The following FANK1 variants were observed in gnomAD, a reference collection of about 807,000 sequenced individuals.
FANK1 encodes the protein fibronectin type III and ankyrin repeat domains 1.
A neutral mutation model predicts 45.3 loss-of-function variants in FANK1; 44 were observed. That is an observed-to-expected ratio of 0.97 (90% CI 0.76 to 1.25). The LOEUF (loss-of-function observed/expected upper bound fraction) is 1.25. Ranked by LOEUF, FANK1 falls within the 50% of genes most tolerant of loss-of-function variation. The probability of loss-of-function intolerance (pLI) is 0.00; values close to 1 mark genes in which losing one functional copy is unlikely to be tolerated. For synonymous variants in FANK1, 149 were observed against 152.5 expected (o/e 0.98, Z 0.17); for missense variants, 391 against 424.4 (o/e 0.92, Z 0.69).
At chr10:126,000,400 G>GA (rs367741415) in intron 6 of FANK1, among the ~76,000 whole-genome samples, 7 of 151,942 alleles carry the variant, frequency 4.6e-5, no homozygotes, top group Non-Finnish European at 8.8e-5. Context: ...CAAATAATCA[G>GA]AAAAAAAGTA....
chr10:125,930,239 C>T (rs993463092), intron 1 of FANK1, among the ~76,000 whole-genome samples: 1 of 152,018 alleles, frequency 6.6e-6, no homozygotes, highest in Non-Finnish European at 1.5e-5. Flanking sequence ...GATGGGGTTT[C>T]ACCATGTTGG....
At chr10:125,917,906 G>T (rs1946576790) in intron 1 of FANK1, among the ~76,000 whole-genome samples, 1 of 152,304 alleles carries the variant, frequency 6.6e-6, no homozygotes. Context: ...AACATAGTGA[G>T]ACCTCATCTC....
At chr10:125,917,282 AGT>A in intron 1 of FANK1, among the ~76,000 whole-genome samples, 1 of 152,354 alleles carries the variant, frequency 6.6e-6, no homozygotes, top group East Asian at 1.9e-4. Context: ...ATTACAAAAA[AGT>A]AACCGAAGTA....
Position 126,009,286 on chromosome 10 carries a change from C to T in FANK1, c.972+20C>T, listed in dbSNP as rs1436248843. Reference sequence around the variant, plus strand: ...AGACAGGTTGGGATGCTCTTTCTGCCTATCAAGGCTAATTTTTAGTCCTTC... The same window carrying T: ...AGACAGGTTGGGATGCTCTTTCTGCTTATCAAGGCTAATTTTTAGTCCTTC... On this transcript the variant is annotated intron_variant, in intron 10 of 10. Transcript: ENST00000368693. 8 of 1,614,006 alleles carry T rather than the reference C, an allele frequency of 5.0e-6. No individual in the cohort carries two copies. In the Admixed American group the frequency reaches 8.3e-5, roughly 17 times the overall value.
intron 6 of FANK1, among the ~76,000 whole-genome samples, chr10:125,997,874 T>C (rs534373013): frequency 6.6e-6 from 1 of 152,346 alleles, no homozygotes; most frequent in East Asian, 1.9e-4. Flanking sequence ...GCCTCATTCA[T>C]TGCTAAGAAA....
chr10:125,962,830 T>C (rs551149861), intron 1 of FANK1, among the ~76,000 whole-genome samples: 20 of 152,216 alleles, frequency 1.3e-4, no homozygotes, highest in African/African-American at 4.6e-4. Context: ...GAAAAATTTA[T>C]TTTTATAAAA....
chr10:125,924,876 T>C (rs1385456249), intron 1 of FANK1, among the ~76,000 whole-genome samples: 3 of 152,288 alleles, frequency 2.0e-5, no homozygotes, highest in Non-Finnish European at 4.4e-5. Context: ...TCCTACAGTT[T>C]TTAATATGTA....
At chr10:125,977,956 T>A (rs1950954894) in intron 1 of FANK1, among the ~76,000 whole-genome samples, 1 of 152,152 alleles carries the variant, frequency 6.6e-6, no homozygotes, top group African/African-American at 2.4e-5. Flanking sequence ...CCCTGGAGGC[T>A]CTGTTCGGGG....
At chr10:125,980,517 A>G (rs1359271918) in intron 2 of FANK1, 179 bp downstream of exon 2, 1 of 603,002 alleles carries the variant, frequency 1.7e-6, no homozygotes, top group East Asian at 2.9e-5. Context: ...AGTAACTTTG[A>G]AATTAAACCT....
At chr10:125,933,739 C>T (rs1442961059) in intron 1 of FANK1, among the ~76,000 whole-genome samples, 1 of 152,030 alleles carries the variant, frequency 6.6e-6, no homozygotes, top group Non-Finnish European at 1.5e-5. Context: ...TCAGTTTGCA[C>T]TTTTTCAATC....
intron 5 of FANK1, 107 bp downstream of exon 5, chr10:125,996,731 C>A: frequency 2.0e-6 from 2 of 1,018,284 alleles, no homozygotes; most frequent in South Asian, 3.2e-5. Flanking sequence ...ATGGAGGAAC[C>A]GTTTCTTTTC....
chr10:125,902,237 T>G (rs1437399562), intron 1 of FANK1, among the ~76,000 whole-genome samples: 1 of 152,070 alleles, frequency 6.6e-6, no homozygotes, highest in South Asian at 2.1e-4. Context: ...ATTGTGCACA[T>G]GTACCCTAAA....
chr10:125,976,804 G>A (rs1347263701), intron 1 of FANK1, among the ~76,000 whole-genome samples: 1 of 152,008 alleles, frequency 6.6e-6, no homozygotes, highest in Non-Finnish European at 1.5e-5. Context: ...TGTATTTTTA[G>A]TAGAGACGGG....
intron 1 of FANK1, among the ~76,000 whole-genome samples, chr10:125,930,458 T>C (rs1427309843): frequency 5.3e-5 from 8 of 151,174 alleles, no homozygotes; most frequent in African/African-American, 1.9e-4. Flanking sequence ...CACCTCAGCC[T>C]CCTGAGCAGC....
At chr10:125,925,793 A>G (rs1187352016) in intron 1 of FANK1, among the ~76,000 whole-genome samples, 1 of 149,508 alleles carries the variant, frequency 6.7e-6, no homozygotes, top group Non-Finnish European at 1.5e-5. Context: ...TTAACAATTT[A>G]TCCATCTTTA....
rs1443963992 is a variant in FANK1 at position 125,983,748 on chromosome 10, T to A, written c.191+3410T>A. On this transcript the variant is annotated intron_variant, in intron 2 of 10. Coordinates refer to ENST00000368693, the MANE Select transcript of FANK1 (RefSeq NM_145235.5). This position sits in a 1 kb window ranked among gnomAD's most constrained non-coding sequence, Gnocchi z 4.3. ...GGGCAGCTGGGTCATGAGAGGTCAC[T>A]GCCTGGGCCTTGAGGGTTATTGGGA... Among the ~76,000 whole-genome samples the A allele has an allele frequency of 6.6e-6, 1 of 152,160 alleles. No homozygotes were observed. The highest frequency in any genetic ancestry group is 2.4e-5 in the African/African-American group (1 of 41,442).
At chr10:125,959,088 T>C (rs1466861580) in intron 1 of FANK1, among the ~76,000 whole-genome samples, 4 of 152,160 alleles carry the variant, frequency 2.6e-5, no homozygotes, top group Non-Finnish European at 5.9e-5. Flanking sequence ...TCGAGTCATA[T>C]TTAAACATTT....
chr10:125,956,207 G>GA (rs1057038055), intron 1 of FANK1, among the ~76,000 whole-genome samples: 2 of 144,574 alleles, frequency 1.4e-5, no homozygotes, highest in Non-Finnish European at 3.0e-5. Context: ...TTTTTTGGGG[G>GA]GGGGGCGGTG....
chr10:125,956,205 G>GGGA (rs1554930990), intron 1 of FANK1, among the ~76,000 whole-genome samples: 3 of 145,986 alleles, frequency 2.1e-5, no homozygotes, highest in Non-Finnish European at 4.5e-5. Flanking sequence ...CATTTTTTGG[G>GGGA]GGGGGGGCGG....
Sources: gnomAD v4.1 joint callset for allele counts (sites outside exome capture counted in the v4.1 genomes callset) on GRCh38, gnomAD v4.1.1 for gene constraint, Gnocchi (gnomAD v3.1) non-coding constraint, MANE v1.5 for transcripts, NCBI Gene and HGNC (gene_info 2026-07-23, HGNC 2026-07-21) for gene names.